Variants in CFAP299 observed in about 807,000 individuals in gnomAD.
CFAP299 encodes the protein cilia and flagella associated protein 299.
A neutral mutation model predicts 27.0 loss-of-function variants in CFAP299; 21 were observed. That is an observed-to-expected ratio of 0.78 (90% CI 0.55 to 1.12). The LOEUF is 1.12. CFAP299 is among the 50% of genes most tolerant of loss of function. The pLI is 0.00. For missense variants in CFAP299, 310 were observed against 276.6 expected (o/e 1.12, Z -0.86); for synonymous variants, 104 against 98.1 (o/e 1.06, Z -0.36).
At chr4:80,870,583 A>G in intron 4 of CFAP299, 1 of 986,224 alleles carries the variant, frequency 1.0e-6, no homozygotes, top group Non-Finnish European at 1.2e-6. Flanking sequence ...ATTCCTTAAC[A>G]CCCATCATTC....
At chr4:80,917,676 A>G (rs1379072842) in intron 4 of CFAP299, among the ~76,000 whole-genome samples, 1 of 152,110 alleles carries the variant, frequency 6.6e-6, no homozygotes, top group African/African-American at 2.4e-5. Context: ...TCCATGGCAC[A>G]TTTCCCAAAG....
chr4:80,597,563 G>C (rs1016071626), intron 3 of CFAP299, among the ~76,000 whole-genome samples: 2 of 151,972 alleles, frequency 1.3e-5, no homozygotes, highest in African/African-American at 4.8e-5. Flanking sequence ...TTCCTTTATT[G>C]CTAGAGATGT....
At chr4:80,613,107 A>G (rs977261001) in intron 3 of CFAP299, among the ~76,000 whole-genome samples, 2 of 152,166 alleles carry the variant, frequency 1.3e-5, no homozygotes, top group Non-Finnish European at 2.9e-5. Flanking sequence ...ATGGGGAGCT[A>G]TGCAATTTCC....
In CFAP299 at chr4:80,944,912, C is replaced by T. The variant is rs774260298; in HGVS notation, c.579C>T (p.Asp193=). 5 of 1,612,562 alleles carry T rather than the reference C, an allele frequency of 3.1e-6. No individual in the cohort carries two copies. Among genetic ancestry groups the T allele is most frequent in the Non-Finnish European group, 3.4e-6 (4 of 1,179,098 alleles). The part of the protein sequence containing the change: ...PEGLLFRYKR[D]RKILNVDPKA... ...GCTTACTTTTCAGATACAAAAGAGA[C>T]AGAAAAATTCTTAATGTGGACCCAA... The change falls in exon 5 of 6, where the codon GAC becomes GAT. Residue 193 remains aspartate (D), a synonymous_variant. Transcript: ENST00000358105.
chr4:80,828,398 A>G (rs1343674073), intron 3 of CFAP299, among the ~76,000 whole-genome samples: 1 of 152,098 alleles, frequency 6.6e-6, no homozygotes, highest in Non-Finnish European at 1.5e-5. Context: ...TATGTGGTCA[A>G]ATGATTTTTC....
chr4:80,679,609 G>T (rs1264963582), intron 3 of CFAP299, among the ~76,000 whole-genome samples: 1 of 151,736 alleles, frequency 6.6e-6, no homozygotes, highest in Non-Finnish European at 1.5e-5. Context: ...AAAAAAAATG[G>T]CTACTAATAG....
chr4:80,448,649 A>G (rs1235516695), intron 2 of CFAP299, among the ~76,000 whole-genome samples: 1 of 152,108 alleles, frequency 6.6e-6, no homozygotes, highest in African/African-American at 2.4e-5. Context: ...ACCAGTACTT[A>G]AGGCTGAGAG....
At chr4:80,846,214 G>A (rs1048399900) in intron 3 of CFAP299, among the ~76,000 whole-genome samples, 11 of 152,268 alleles carry the variant, frequency 7.2e-5, no homozygotes, top group African/African-American at 1.9e-4. Context: ...ACACTGTATA[G>A]GGATGGAGGA....
At chr4:80,360,093 G>A (rs1723467670) in intron 1 of CFAP299, among the ~76,000 whole-genome samples, 1 of 152,200 alleles carries the variant, frequency 6.6e-6, no homozygotes, top group Non-Finnish European at 1.5e-5. Context: ...ATTTTAGGGG[G>A]CCAGTGCTTA....
intron 1 of CFAP299, among the ~76,000 whole-genome samples, chr4:80,339,023 C>T (rs1239551118): frequency 1.3e-5 from 2 of 152,316 alleles, no homozygotes; most frequent in East Asian, 1.9e-4. Context: ...GAGGTACCAA[C>T]TGGAGTGCAG....
intron 3 of CFAP299, among the ~76,000 whole-genome samples, chr4:80,802,804 A>G (rs1728677855): frequency 1.3e-5 from 2 of 152,024 alleles, no homozygotes; most frequent in Non-Finnish European, 2.9e-5. Context: ...CAATAATACA[A>G]TATGTAAGAA....
At chr4:80,389,023 G>A (rs962245546) in intron 2 of CFAP299, among the ~76,000 whole-genome samples, 1 of 152,014 alleles carries the variant, frequency 6.6e-6, no homozygotes, top group Non-Finnish European at 1.5e-5. Flanking sequence ...AACATGGAAA[G>A]TTCCCTTTTA....
At chr4:80,914,367 G>GGT (rs1735638863) in intron 4 of CFAP299, among the ~76,000 whole-genome samples, 1 of 151,996 alleles carries the variant, frequency 6.6e-6, no homozygotes, top group African/African-American at 2.4e-5. Flanking sequence ...TAGCTATTCT[G>GGT]GTGTGTGTGT....
At chr4:80,885,133 C>T (rs370635082) in intron 4 of CFAP299, among the ~76,000 whole-genome samples, 1 of 152,160 alleles carries the variant, frequency 6.6e-6, no homozygotes. Context: ...ACTTGCTGGG[C>T]TCAGCCAGTG....
chr4:80,696,526 AAAAT>A (rs978913345), intron 3 of CFAP299, among the ~76,000 whole-genome samples: 1 of 152,214 alleles, frequency 6.6e-6, no homozygotes, highest in Non-Finnish European at 1.5e-5. Flanking sequence ...AAATAAAACA[AAAAT>A]AAAGTAGCAC....
At chr4:80,449,446 C>T (rs933795799) in intron 2 of CFAP299, among the ~76,000 whole-genome samples, 1 of 151,712 alleles carries the variant, frequency 6.6e-6, no homozygotes, top group Non-Finnish European at 1.5e-5. Context: ...TTGTTATTAA[C>T]AATTAGTCAA....
chr4:80,931,098 G>A (rs948787082), intron 4 of CFAP299, among the ~76,000 whole-genome samples: 6 of 151,892 alleles, frequency 4.0e-5, no homozygotes, highest in African/African-American at 7.3e-5. Flanking sequence ...TTCCCATCCC[G>A]AAGAATATCC....
At chr4:80,859,842 C>T (rs553049884) in intron 3 of CFAP299, among the ~76,000 whole-genome samples, 2 of 152,264 alleles carry the variant, frequency 1.3e-5, no homozygotes, top group Admixed American at 6.5e-5. Context: ...CTGCCCTTAA[C>T]ATTTTTTCCT....
At chr4:80,942,386 C>T (rs1180033085) in intron 4 of CFAP299, among the ~76,000 whole-genome samples, 4 of 151,934 alleles carry the variant, frequency 2.6e-5, no homozygotes, top group African/African-American at 9.7e-5. Context: ...TATTTTATAC[C>T]TACTCCATGG....
Sources: allele counts gnomAD v4.1 joint callset (sites outside exome capture counted in the v4.1 genomes callset), GRCh38; gene constraint gnomAD v4.1.1; transcripts MANE v1.5; gene names NCBI Gene and HGNC (gene_info 2026-07-23, HGNC 2026-07-21).